Variants in ZDHHC15 observed in about 807,000 individuals in gnomAD.
ZDHHC15 encodes the protein zDHHC palmitoyltransferase 15.
In ZDHHC15, 19 loss-of-function variants were observed where a neutral mutation model predicts 31.7. The observed-to-expected ratio is 0.60, with a 90% CI of 0.42 to 0.88. The LOEUF is 0.88. Ranked by LOEUF, ZDHHC15 falls within the 40% of genes least tolerant of loss-of-function variation. The pLI is 0.00. For missense variants in ZDHHC15, 209 were observed against 251.2 expected (o/e 0.83, Z 1.14); for synonymous variants, 103 against 90.0 (o/e 1.14, Z -0.82).
intron 2 of ZDHHC15, among the ~76,000 whole-genome samples, chrX:75,491,564 A>G (rs1052483126): frequency 4.6e-5 from 5 of 109,222 alleles, no homozygotes; most frequent in African/African-American, 1.7e-4. Context: ...AGCATGGCAC[A>G]TGTATACATA....
chrX:75,456,156 T>C (rs185257616), intron 3 of ZDHHC15, among the ~76,000 whole-genome samples: 2 of 111,485 alleles, frequency 1.8e-5, no homozygotes, highest in African/African-American at 3.3e-5. Flanking sequence ...ATATACACCA[T>C]GGAATACTAT....
intron 10 of ZDHHC15, among the ~76,000 whole-genome samples, chrX:75,410,459 C>A (rs1051089104): frequency 4.5e-5 from 5 of 112,114 alleles, no homozygotes; most frequent in Non-Finnish European, 9.4e-5. Context: ...ATAGATGTTT[C>A]TCACAAGAAG....
At chrX:75,467,667 T>C (rs1351827869) in intron 3 of ZDHHC15, among the ~76,000 whole-genome samples, 1 of 112,526 alleles carries the variant, frequency 8.9e-6, no homozygotes, top group Non-Finnish European at 1.9e-5. Context: ...AGGTTAGGGC[T>C]ATGAAATTCC....
rs769241409 is a variant in ZDHHC15, at chrX:75,429,101, T to C, written c.580A>G (p.Ser194Gly). The C allele has an allele frequency of 2.5e-6, 3 of 1,208,845 alleles. No individual in the cohort carries two copies. The highest frequency in any genetic ancestry group is 3.4e-6 in the Non-Finnish European group (3 of 894,448). ...YCLYIATTVF[S>G]YFIKYWRGEL... ...ACTCTCCAGTATTTGATGAAATAGC[T>C]GAAGACTGTCGTAGCAATGTACAGG... The change falls in exon 7 of 12, where the codon AGC (serine) becomes GGC (glycine). Residue 194 changes from serine to glycine, a missense_variant. By Grantham distance (56) the Ser-to-Gly change is moderately conservative. Coordinates refer to ENST00000373367, the MANE Select transcript of ZDHHC15 (RefSeq NM_144969.3).
intron 5 of ZDHHC15, 72 bp from the exon 6 acceptor site, chrX:75,430,052 A>C: frequency 4.6e-6 from 5 of 1,081,120 alleles, no homozygotes; most frequent in Non-Finnish European, 6.4e-6. Context: ...AATTAAACTC[A>C]AGGTTTCACC....
intron 4 of ZDHHC15, among the ~76,000 whole-genome samples, chrX:75,441,748 C>T (rs1247299287): frequency 2.8e-5 from 3 of 108,861 alleles, no homozygotes; most frequent in African/African-American, 6.7e-5. Flanking sequence ...CTTAGCCCCC[C>T]GAGTAGCTGG....
intron 3 of ZDHHC15, among the ~76,000 whole-genome samples, chrX:75,463,682 C>A (rs1307990172): frequency 1.8e-5 from 2 of 111,676 alleles, no homozygotes; most frequent in African/African-American, 6.5e-5. Context: ...CCAACAGACA[C>A]ATGAAAAAAT....
At chrX:75,388,783 G>A (rs1338690577) in intron 10 of ZDHHC15, among the ~76,000 whole-genome samples, 1 of 111,776 alleles carries the variant, frequency 8.9e-6, no homozygotes, top group Non-Finnish European at 1.9e-5. Flanking sequence ...AAGCATAGAA[G>A]AGACTGGGTG....
chrX:75,431,060 A>G (rs1012048886), intron 5 of ZDHHC15, among the ~76,000 whole-genome samples: 2 of 111,998 alleles, frequency 1.8e-5, no homozygotes, highest in Admixed American at 1.9e-4. Flanking sequence ...TTATGGAAAA[A>G]CTGAGGAAAT....
chrX:75,465,772 C>T (rs902524263), intron 3 of ZDHHC15, among the ~76,000 whole-genome samples: 4 of 111,492 alleles, frequency 3.6e-5, no homozygotes, highest in Admixed American at 1.9e-4. Flanking sequence ...TGGCCCCCTT[C>T]CTTACACCTT....
chrX:75,372,516 C>A lies in ZDHHC15; in HGVS notation c.*462G>T, dbSNP rs1048827127. 6.3e-5 allele frequency: 7 copies of A among 111,559 alleles called. No homozygotes were observed. Among genetic ancestry groups the A allele is most frequent in the Non-Finnish European group, 1.1e-4 (6 of 53,079 alleles). The allele number at this position is 111,559 out of a possible 1,213,427, so 9.2% of individuals were successfully genotyped here. On this transcript the variant is annotated 3_prime_UTR_variant, in exon 12 of 12. Transcript: ENST00000373367. The stretch of plus-strand genomic sequence containing the variant: ...CAGAATTTTGTATAGATATGCTGTA[C>A]GTGTTCACAAATGCACACGCACACA...
At position 75,515,317 on chromosome X, in the gene ZDHHC15, T is replaced by C. The variant is rs188807033; in HGVS notation, c.136+7572A>G. 5.4e-5 allele frequency among the ~76,000 whole-genome samples: 6 copies of C among 111,294 alleles called. No individual in the cohort carries two copies. In the East Asian group the frequency reaches 1.1e-3, roughly 21 times the overall value. Reference sequence around the variant, plus strand: ...TTTAGACCAATATCCCTGATGAACATTGATGCAAAATCCTCAATAAAATAC... The same window carrying C: ...TTTAGACCAATATCCCTGATGAACACTGATGCAAAATCCTCAATAAAATAC... On this transcript the variant is annotated intron_variant, in intron 1 of 11. Transcript: ENST00000373367.
At chrX:75,384,876 ATGG>A (rs2083163575) in intron 10 of ZDHHC15, 1 of 508,852 alleles carries the variant, frequency 2.0e-6, no homozygotes, top group Non-Finnish European at 3.5e-6. Context: ...AAAAAAAAAG[ATGG>A]TAAATAATTG....
At chrX:75,519,371 A>T (rs1320496860) in intron 1 of ZDHHC15, among the ~76,000 whole-genome samples, 2 of 111,378 alleles carry the variant, frequency 1.8e-5, no homozygotes, top group African/African-American at 6.5e-5. Context: ...CTTTTCAGGC[A>T]TCATGTTATT....
At chrX:75,389,158 T>C (rs1016987850) in intron 10 of ZDHHC15, among the ~76,000 whole-genome samples, 6 of 111,265 alleles carry the variant, frequency 5.4e-5, no homozygotes, top group African/African-American at 2.0e-4. Context: ...AGAGGGAACA[T>C]TTAGACAAGC....
At chrX:75,511,721 G>T (rs1360030758) in intron 1 of ZDHHC15, among the ~76,000 whole-genome samples, 1 of 100,003 alleles carries the variant, frequency 1.0e-5, no homozygotes. Flanking sequence ...AGGAGGAACT[G>T]GTACCATTCC....
At chrX:75,474,575 C>CACACAT in intron 3 of ZDHHC15, among the ~76,000 whole-genome samples, 1 of 6,390 alleles carries the variant, frequency 1.6e-4, no homozygotes, top group South Asian at 7.2e-3. Context: ...CCCCTTTATA[C>CACACAT]ACACACACAC....
At chrX:75,423,047 C>T (rs1307573256) in intron 8 of ZDHHC15, among the ~76,000 whole-genome samples, 1 of 98,552 alleles carries the variant, frequency 1.0e-5, no homozygotes, top group Non-Finnish European at 2.0e-5. Flanking sequence ...GGGTCTTATT[C>T]TGTCACCCAG....
intron 10 of ZDHHC15, among the ~76,000 whole-genome samples, chrX:75,408,248 G>C (rs2083443471): frequency 1.9e-5 from 2 of 104,253 alleles, no homozygotes; most frequent in East Asian, 6.0e-4. Flanking sequence ...TAAAACATTA[G>C]TCACCACAGT....
Sources: gnomAD v4.1 joint callset for allele counts (sites outside exome capture counted in the v4.1 genomes callset) on GRCh38, gnomAD v4.1.1 for gene constraint, MANE v1.5 for transcripts, NCBI Gene and HGNC (gene_info 2026-07-23, HGNC 2026-07-21) for gene names.